The following SIPA1L2 variants were observed in gnomAD, a reference collection of about 807,000 sequenced individuals.
SIPA1L2 encodes signal induced proliferation associated 1 like 2, also known as signal-induced proliferation-associated 1-like protein 2.
SIPA1L2 carries 56 observed loss-of-function variants against 163.9 expected under a neutral mutation model. The observed-to-expected ratio is 0.34, with a 90% CI of 0.28 to 0.43. The LOEUF is 0.43. Ranked by LOEUF, SIPA1L2 falls within the 20% of genes least tolerant of loss-of-function variation. The pLI is 1.00. For synonymous variants in SIPA1L2, 877 were observed against 865.7 expected (o/e 1.01, Z -0.23); for missense variants, 1,974 against 2,193.5 (o/e 0.90, Z 2.00).
At chr1:232,524,375 A>G (rs1383162356) in intron 2 of SIPA1L2, among the ~76,000 whole-genome samples, 2 of 151,856 alleles carry the variant, frequency 1.3e-5, no homozygotes. Context: ...ACACAAACAC[A>G]CTCCCCATGC....
At chr1:232,456,520 C>A (rs1408175235) in intron 10 of SIPA1L2, among the ~76,000 whole-genome samples, 1 of 151,852 alleles carries the variant, frequency 6.6e-6, no homozygotes, top group Non-Finnish European at 1.5e-5. Flanking sequence ...AGATGCACTG[C>A]AGCAAGGAAT....
At chr1:232,624,569 A>G (rs1662981100) in intron 1 of SIPA1L2, among the ~76,000 whole-genome samples, 1 of 152,224 alleles carries the variant, frequency 6.6e-6, no homozygotes, top group East Asian at 1.9e-4. Context: ...TTTCCACAAT[A>G]ACAATTTTTA....
chr1:232,492,866 T>C (rs1387838151), intron 4 of SIPA1L2, among the ~76,000 whole-genome samples: 1 of 152,184 alleles, frequency 6.6e-6, no homozygotes, highest in Non-Finnish European at 1.5e-5. Context: ...TCTGAGTTAA[T>C]GCTGGAGTGA....
intron 21 of SIPA1L2, among the ~76,000 whole-genome samples, chr1:232,402,976 A>G (rs1660433430): frequency 6.6e-6 from 1 of 152,244 alleles, no homozygotes; most frequent in African/African-American, 2.4e-5. Flanking sequence ...TAGGGGAAAG[A>G]GTGGGGTGTT....
intron 3 of SIPA1L2, among the ~76,000 whole-genome samples, chr1:232,506,666 T>C (rs1416304603): frequency 6.6e-6 from 1 of 152,136 alleles, no homozygotes; most frequent in Non-Finnish European, 1.5e-5. Context: ...AAAATACTAA[T>C]GATAAAAATT....
intron 2 of SIPA1L2, among the ~76,000 whole-genome samples, chr1:232,536,173 C>A (rs1380536947): frequency 6.6e-6 from 1 of 152,200 alleles, no homozygotes; most frequent in Admixed American, 6.5e-5. Flanking sequence ...GAAAACAAGT[C>A]TATGTTATCT....
rs531072620 is a variant in SIPA1L2, at chr1:232,559,456, T to C, written c.-270+14718A>G. Among the ~76,000 whole-genome samples, 132 of 152,332 alleles carry C rather than the reference T, an allele frequency of 8.7e-4. 1 individual carries two copies. Among genetic ancestry groups the C allele is most frequent in the African/African-American group, 3.2e-3 (131 of 41,574 alleles). On this transcript the variant is annotated intron_variant, in intron 2 of 22. Transcript: ENST00000674635. Reference sequence around the variant, plus strand: ...AAACCTCCTTTTGCCCCGGTCAGTGTTCTTGAAAAGAAATATGCCAACTCC... The same window carrying C: ...AAACCTCCTTTTGCCCCGGTCAGTGCTCTTGAAAAGAAATATGCCAACTCC...
At chr1:232,409,327 A>G (rs1660818162) in intron 19 of SIPA1L2, among the ~76,000 whole-genome samples, 1 of 152,154 alleles carries the variant, frequency 6.6e-6, no homozygotes, top group South Asian at 2.1e-4. Context: ...GAATTCTCTC[A>G]TATTTCCGAT....
At chr1:232,419,723 AC>A (rs1224208309) in intron 18 of SIPA1L2, among the ~76,000 whole-genome samples, 2 of 152,190 alleles carry the variant, frequency 1.3e-5, no homozygotes, top group African/African-American at 4.8e-5. Context: ...AGCCTGAAGA[AC>A]CAAAAGCCAA....
intron 15 of SIPA1L2, among the ~76,000 whole-genome samples, chr1:232,437,803 A>G (rs572719915): frequency 2.6e-5 from 4 of 152,272 alleles, no homozygotes; most frequent in East Asian, 3.9e-4. Flanking sequence ...CAGAAACTAG[A>G]AAAAAACCAC....
chr1:232,550,213 T>C (rs761399723), intron 2 of SIPA1L2, among the ~76,000 whole-genome samples: 3 of 152,194 alleles, frequency 2.0e-5, no homozygotes, highest in Non-Finnish European at 4.4e-5. Flanking sequence ...CAAAAGACCA[T>C]CTGTCTAAAA....
At chr1:232,404,104 C>T (rs771630669) in intron 20 of SIPA1L2, 21 bp downstream of exon 20, 23 of 1,613,716 alleles carry the variant, frequency 1.4e-5, no homozygotes, top group East Asian at 1.1e-4. Context: ...CAGGAGCCAA[C>T]GAGCAGCCCC....
At chr1:232,594,878 C>G (rs1661172908) in intron 1 of SIPA1L2, among the ~76,000 whole-genome samples, 1 of 152,184 alleles carries the variant, frequency 6.6e-6, no homozygotes, top group Admixed American at 6.5e-5. Flanking sequence ...TGCGGCTACA[C>G]TGTACCATCA....
intron 7 of SIPA1L2, 81 bp from the exon 8 acceptor site, chr1:232,471,609 T>G: frequency 8.1e-7 from 1 of 1,234,916 alleles, no homozygotes; most frequent in Non-Finnish European, 1.1e-6. Context: ...TCTTTCAATT[T>G]GAAGGAGTGA....
At chr1:232,434,765 TA>T (rs1378306229) in intron 15 of SIPA1L2, among the ~76,000 whole-genome samples, 1 of 152,166 alleles carries the variant, frequency 6.6e-6, no homozygotes, top group African/African-American at 2.4e-5. Context: ...GAAAGGATAG[TA>T]GCATAAACAT....
At chr1:232,415,667 C>T (rs1427663799) in intron 18 of SIPA1L2, 42 bp from the exon 19 acceptor site, 1 of 1,612,356 alleles carries the variant, frequency 6.2e-7, no homozygotes, top group Admixed American at 1.7e-5. Flanking sequence ...TCAGTCACAG[C>T]ACGGGCACCA....
chr1:232,492,043 A>G (rs1665957415), intron 4 of SIPA1L2, among the ~76,000 whole-genome samples: 1 of 152,218 alleles, frequency 6.6e-6, no homozygotes, highest in Admixed American at 6.5e-5. Context: ...ACCTGTGGCT[A>G]GTGACTACTG....
intron 9 of SIPA1L2, among the ~76,000 whole-genome samples, chr1:232,461,795 T>C (rs1280548729): frequency 6.6e-6 from 1 of 152,242 alleles, no homozygotes; most frequent in Non-Finnish European, 1.5e-5. Flanking sequence ...GCACCAGCCC[T>C]AGGGACATAC....
At chr1:232,509,548 CCT>C (rs1170569448) in intron 3 of SIPA1L2, among the ~76,000 whole-genome samples, 1 of 152,090 alleles carries the variant, frequency 6.6e-6, no homozygotes, top group Non-Finnish European at 1.5e-5. Context: ...CTGCCCAGGC[CCT>C]CTGTTTTTAA....
Sources: gnomAD v4.1 joint callset for allele counts (sites outside exome capture counted in the v4.1 genomes callset) on GRCh38, gnomAD v4.1.1 for gene constraint, MANE v1.5 for transcripts, NCBI Gene and HGNC (gene_info 2026-07-23, HGNC 2026-07-21) for gene names.